FAT3: variants seen among roughly 807,000 people sequenced by gnomAD.
FAT3 encodes the protein protocadherin Fat 3.
Under a neutral mutation model 310.2 loss-of-function variants are expected in FAT3, and 95 were observed. The observed-to-expected ratio is 0.31, with a 90% CI of 0.26 to 0.36. The LOEUF is 0.36. Among genes scored for constraint, FAT3 ranks in the 10% least tolerant of loss-of-function variants. The pLI, the probability that FAT3 is intolerant of heterozygous loss-of-function variation, is 1.00. For synonymous variants in FAT3, 2,314 were observed against 2,192.9 expected (o/e 1.06, Z -1.54); for missense variants, 5,408 against 5,715.6 (o/e 0.95, Z 1.74).
intron 7 of FAT3, among the ~76,000 whole-genome samples, 182 bp downstream of exon 7, chr11:92,774,362 A>G (rs1191608582): frequency 6.6e-6 from 1 of 152,246 alleles, no homozygotes; most frequent in African/African-American, 2.4e-5. Context: ...CATAGGACTT[A>G]GCTGCCGCTT....
At chr11:92,531,124 G>A (rs1954056050) in intron 3 of FAT3, among the ~76,000 whole-genome samples, 1 of 152,210 alleles carries the variant, frequency 6.6e-6, no homozygotes, top group Non-Finnish European at 1.5e-5. Flanking sequence ...GAATGAGTAT[G>A]TGTGAAACTG....
chr11:92,626,778 G>C (rs907184945), intron 3 of FAT3, among the ~76,000 whole-genome samples: 3 of 152,122 alleles, frequency 2.0e-5, no homozygotes, highest in Non-Finnish European at 4.4e-5. Flanking sequence ...CTGTCACAGG[G>C]CTGTCAGGGC....
chr11:92,264,274 G>A (rs565449224), intron 1 of FAT3, among the ~76,000 whole-genome samples: 2 of 152,226 alleles, frequency 1.3e-5, no homozygotes, highest in African/African-American at 4.8e-5. Flanking sequence ...TGTGTATCTG[G>A]AATACTTTAA....
At chr11:92,450,948 C>A (rs1036265549) in intron 2 of FAT3, among the ~76,000 whole-genome samples, 1 of 152,170 alleles carries the variant, frequency 6.6e-6, no homozygotes, top group Non-Finnish European at 1.5e-5. Flanking sequence ...GAATCCTGAT[C>A]TTTACTGGTC....
rs1949713263 is a variant in FAT3, at chr11:92,883,104, G to A, written c.12648G>A (p.Gly4216=). 6.2e-7 allele frequency: 1 copy of A among 1,613,822 alleles called. No individual in the cohort carries two copies. The highest frequency in any genetic ancestry group is 8.5e-7 in the Non-Finnish European group (1 of 1,179,898). ...GIPFRNLRGS[G]DGRNVYQEVG... ...CGTTCCGGAACCTGCGCGGCAGTGG[G>A]GACGGCCGCAACGTCTACCAGGAGG... Residue 4216 remains glycine, a synonymous_variant, in exon 24 of 28, where the codon GGG becomes GGA. Coordinates refer to ENST00000525166, the MANE Select transcript of FAT3 (RefSeq NM_001367949.2). The surrounding 1 kb of genome is among the most constrained non-coding windows in gnomAD (Gnocchi z 4.2).
At chr11:92,491,593 G>A (rs1952597920) in intron 2 of FAT3, among the ~76,000 whole-genome samples, 3 of 152,118 alleles carry the variant, frequency 2.0e-5, no homozygotes, top group African/African-American at 7.2e-5. Context: ...TGCTGTATAT[G>A]TAGGAATTTC....
chr11:92,522,933 T>C (rs1294733413), intron 2 of FAT3, among the ~76,000 whole-genome samples: 3 of 152,144 alleles, frequency 2.0e-5, no homozygotes, highest in African/African-American at 4.8e-5. Flanking sequence ...CTATGGGCCC[T>C]ATGAGGCATA....
chr11:92,634,258 A>G (rs1941675096), intron 3 of FAT3, among the ~76,000 whole-genome samples: 1 of 152,186 alleles, frequency 6.6e-6, no homozygotes, highest in Non-Finnish European at 1.5e-5. Context: ...TTTGGATCCC[A>G]GCCTATTCTT....
intron 2 of FAT3, among the ~76,000 whole-genome samples, chr11:92,445,371 C>T (rs920715306): frequency 1.4e-4 from 21 of 152,198 alleles, no homozygotes; most frequent in African/African-American, 4.3e-4. Context: ...TTCTTCAATG[C>T]TCCCCAGGAG....
chr11:92,232,640 T>G (rs1318438929), intron 1 of FAT3, among the ~76,000 whole-genome samples: 4 of 145,066 alleles, frequency 2.8e-5, no homozygotes, highest in East Asian at 2.0e-4. Context: ...TTTTTTTTTT[T>G]TTTTTTTTTT....
At chr11:92,562,402 A>C (rs534799672) in intron 3 of FAT3, among the ~76,000 whole-genome samples, 1 of 151,990 alleles carries the variant, frequency 6.6e-6, no homozygotes, top group African/African-American at 2.4e-5. Flanking sequence ...ATTTTATTTC[A>C]TGTTCTCCCA....
At chr11:92,676,509 A>G (rs1294559429) in intron 3 of FAT3, among the ~76,000 whole-genome samples, 1 of 152,306 alleles carries the variant, frequency 6.6e-6, no homozygotes, top group Admixed American at 6.5e-5. Flanking sequence ...CAGGTCTTAT[A>G]TCCAAAGGGC....
intron 2 of FAT3, among the ~76,000 whole-genome samples, chr11:92,451,453 T>G (rs910402044): frequency 6.6e-6 from 1 of 152,146 alleles, no homozygotes; most frequent in African/African-American, 2.4e-5. Flanking sequence ...TTAGAATAAT[T>G]AAGTTTCCTC....
intron 17 of FAT3, among the ~76,000 whole-genome samples, chr11:92,838,359 T>G (rs1482878472): frequency 6.6e-6 from 1 of 152,184 alleles, no homozygotes. Context: ...GTTTAACACT[T>G]TAAATCCACC....
Position 92,741,703 on chromosome 11 carries a change from T to G in FAT3, c.3670-20153T>G, listed in dbSNP as rs536864040. Among the ~76,000 whole-genome samples, 8 of 152,330 alleles carry G rather than the reference T, an allele frequency of 5.3e-5. No homozygotes were observed. In the South Asian group the frequency reaches 1.7e-3, roughly 32 times the overall value. ...TCTTGTGGAAGTAATTAAAATACTT[T>G]ATCCAAGATGAACCATCTTTCTGTT... is the stretch of plus-strand genomic sequence containing the variant. On this transcript the variant is annotated intron_variant, in intron 4 of 27. Coordinates refer to ENST00000525166, the MANE Select transcript of FAT3 (RefSeq NM_001367949.2).
intron 1 of FAT3, among the ~76,000 whole-genome samples, chr11:92,301,603 A>G (rs1946999723): frequency 6.6e-6 from 1 of 152,116 alleles, no homozygotes; most frequent in Non-Finnish European, 1.5e-5. Context: ...CAAGTGCAGC[A>G]CCACTCTTTA....
At position 92,375,591 on chromosome 11, in the gene FAT3, C is replaced by T. The variant is rs532709388; in HGVS notation, c.3292+20187C>T. On this transcript the variant is annotated intron_variant, in intron 2 of 27. Transcript: ENST00000525166. The stretch of plus-strand genomic sequence containing the variant: ...GACCCTTGAACCCAGGACTTGTAAA[C>T]ATGGGTACTATTTTGTTCAAGGCTG... 6.4e-4 allele frequency among the ~76,000 whole-genome samples: 97 copies of T among 152,276 alleles called. 1 individual carries two copies. Among genetic ancestry groups the T allele is most frequent in the Non-Finnish European group, 7.2e-4 (49 of 68,024 alleles).
intron 1 of FAT3, among the ~76,000 whole-genome samples, chr11:92,280,677 T>C (rs1315622622): frequency 6.6e-6 from 1 of 152,190 alleles, no homozygotes; most frequent in East Asian, 1.9e-4. Flanking sequence ...TAGATCTCTA[T>C]AATTCAGCTC....
chr11:92,326,499 A>G (rs1332744135), intron 1 of FAT3, among the ~76,000 whole-genome samples: 1 of 152,228 alleles, frequency 6.6e-6, no homozygotes, highest in African/African-American at 2.4e-5. Flanking sequence ...AGAAGGAAAC[A>G]TTTCAACCAG....
Sources: gnomAD v4.1 joint callset for allele counts (sites outside exome capture counted in the v4.1 genomes callset) on GRCh38, gnomAD v4.1.1 for gene constraint, Gnocchi (gnomAD v3.1) non-coding constraint, MANE v1.5 for transcripts, NCBI Gene and HGNC (gene_info 2026-07-23, HGNC 2026-07-21) for gene names.